MESD: variants seen among roughly 807,000 people sequenced by gnomAD.
The protein encoded by MESD is LRP chaperone MESD.
In MESD, 7 loss-of-function variants were observed where a neutral mutation model predicts 12.9. The ratio of observed to expected loss-of-function variants is 0.54; its 90% CI spans 0.31 to 1.02. The LOEUF is 1.02. Among genes scored for constraint, MESD ranks in the 50% least tolerant of loss-of-function variants. The pLI is 0.05. For missense variants in MESD, 342 were observed against 296.7 expected (o/e 1.15, Z -1.12); for synonymous variants, 126 against 115.6 (o/e 1.09, Z -0.58).
At chr15:80,987,438 G>A (rs1006317610) in intron 1 of MESD, among the ~76,000 whole-genome samples, 6 of 151,844 alleles carry the variant, frequency 4.0e-5, no homozygotes, top group African/African-American at 1.2e-4. Flanking sequence ...TTACAGATAC[G>A]TAAAACTAGG....
chr15:80,964,158 A>C (rs1423731965), intron 3 of MESD, among the ~76,000 whole-genome samples: 5 of 152,222 alleles, frequency 3.3e-5, no homozygotes, highest in Non-Finnish European at 5.9e-5. Context: ...ACGTGCAAAA[A>C]TCACAAGCAT....
chr15:80,985,972 T>C (rs890492067), intron 1 of MESD, among the ~76,000 whole-genome samples: 2 of 151,978 alleles, frequency 1.3e-5, no homozygotes, highest in African/African-American at 4.8e-5. Context: ...TCTTTGTTAA[T>C]GCAAATATAA....
At chr15:80,955,605 G>C (rs932123073) in intron 3 of MESD, among the ~76,000 whole-genome samples, 7 of 149,344 alleles carry the variant, frequency 4.7e-5, no homozygotes, top group African/African-American at 1.3e-4. Flanking sequence ...TTTGAGAAGT[G>C]TGTGTTTGTG....
chr15:80,975,217 A>T (rs56668699), downstream of MESD, among the ~76,000 whole-genome samples: 23 of 149,032 alleles, frequency 1.5e-4, no homozygotes, highest in East Asian at 4.6e-3. Flanking sequence ...CCAAAAAAAA[A>T]AAACAAAAAA....
downstream of MESD, chr15:80,946,649 A>G (rs1236204221): frequency 8.0e-6 from 3 of 373,404 alleles, no homozygotes; most frequent in African/African-American, 4.1e-5. Context: ...GAGCCCTGGC[A>G]TGGTACGCTC....
In MESD at chr15:80,979,036, T is replaced by A; in HGVS notation, c.*183A>T. 1.4e-6 allele frequency: 1 copy of A among 717,554 alleles called. No individual in the cohort carries two copies. The highest frequency in any genetic ancestry group is 2.3e-6 in the Non-Finnish European group (1 of 442,102). The allele number at this position is 717,554 out of a possible 1,614,324, so 44.4% of individuals were successfully genotyped here. ...AGTATTAATTAGAAAACATCTGTCTTCTTACTTGAAGCCTATTAAGCAGTA... is the reference window on the plus strand; with the variant it reads ...AGTATTAATTAGAAAACATCTGTCTACTTACTTGAAGCCTATTAAGCAGTA... On this transcript the variant is annotated 3_prime_UTR_variant, in exon 3 of 3. Transcript: ENST00000261758.
At chr15:80,981,916 C>T in intron 2 of MESD, 34 bp downstream of exon 2, 1 of 1,375,904 alleles carries the variant, frequency 7.3e-7, no homozygotes, top group Non-Finnish European at 1.0e-6. Flanking sequence ...CGAGCACAGC[C>T]TATGAGTCTC....
chr15:80,982,399 G>A (rs1009300140), intron 1 of MESD, among the ~76,000 whole-genome samples: 26 of 152,100 alleles, frequency 1.7e-4, no homozygotes, highest in African/African-American at 3.4e-4. Context: ...ATCACAGAGC[G>A]CCCCCATGTG....
At chr15:80,965,283 G>A (rs527242721) in intron 3 of MESD, among the ~76,000 whole-genome samples, 5 of 151,408 alleles carry the variant, frequency 3.3e-5, no homozygotes, top group South Asian at 2.1e-4. Flanking sequence ...TTAGAATGGC[G>A]ATTAAAAAGT....
At position 80,976,492 on chromosome 15, in the gene MESD, T is replaced by A. The variant is rs1038644053; in HGVS notation, c.*2727A>T. The A allele has an allele frequency of 6.6e-6, 1 of 152,494 alleles. No homozygotes were observed. Among genetic ancestry groups the A allele is most frequent in the African/African-American group, 2.4e-5 (1 of 41,436 alleles). The allele number at this position is 152,494 out of a possible 1,614,324, so 9.4% of individuals were successfully genotyped here. On this transcript the variant is annotated 3_prime_UTR_variant, in exon 3 of 3. Transcript: ENST00000261758. ...GGTGGGCCTCCTGGGTATCCCTCTC[T>A]CTACGTGAAACACTGTACGCAGCCT...
intron 3 of MESD, among the ~76,000 whole-genome samples, chr15:80,963,751 C>CAA (rs202141122): frequency 1.3e-5 from 2 of 152,010 alleles, no homozygotes; most frequent in African/African-American, 4.8e-5. Context: ...TCAATAGATG[C>CAA]AAAAAAGGCC....
intron 2 of MESD, 129 bp downstream of exon 2, chr15:80,981,821 C>A: frequency 1.4e-6 from 1 of 712,496 alleles, no homozygotes. Context: ...CGCCGCTGCA[C>A]TCCAGCCTAG....
At chr15:80,952,980 A>G in intron 3 of MESD, 1 of 456,060 alleles carries the variant, frequency 2.2e-6, no homozygotes, top group Non-Finnish European at 4.4e-6. Flanking sequence ...GCAGGGAGTG[A>G]TCATCGCCTG....
At chr15:80,975,012 A>G (rs141130334), downstream of MESD, among the ~76,000 whole-genome samples, 714 of 152,022 alleles carry the variant, frequency 4.7e-3, 23 homozygotes, top group Admixed American at 0.04. Flanking sequence ...AAAAAAAGAA[A>G]AAGAGAAAAA....
chr15:80,960,103 C>A (rs1902058871), intron 3 of MESD, among the ~76,000 whole-genome samples: 1 of 152,186 alleles, frequency 6.6e-6, no homozygotes, highest in Admixed American at 6.5e-5. Flanking sequence ...GTGGCTCACA[C>A]CTGTAATCCC....
At chr15:80,969,895 G>A (rs1265134009) in intron 3 of MESD, among the ~76,000 whole-genome samples, 2 of 152,186 alleles carry the variant, frequency 1.3e-5, no homozygotes, top group Non-Finnish European at 2.9e-5. Flanking sequence ...TCACTGCCTT[G>A]CAGCGTGACC....
intron 1 of MESD, among the ~76,000 whole-genome samples, chr15:80,985,860 G>T (rs1260523086): frequency 6.6e-6 from 1 of 151,854 alleles, no homozygotes; most frequent in Non-Finnish European, 1.5e-5. Context: ...TCACCATGTT[G>T]CCCAGGCTGG....
chr15:80,981,101 G>A (rs867252489), intron 2 of MESD, among the ~76,000 whole-genome samples: 64 of 151,698 alleles, frequency 4.2e-4, no homozygotes, highest in Non-Finnish European at 4.6e-4. Context: ...TGGGATTACA[G>A]AAGTGAGTCA....
intron 2 of MESD, among the ~76,000 whole-genome samples, chr15:80,981,216 T>C (rs1011323405): frequency 6.6e-6 from 1 of 151,508 alleles, no homozygotes; most frequent in Non-Finnish European, 1.5e-5. Flanking sequence ...GGCAGGCAGA[T>C]CACGAGGTCA....
Sources: allele counts gnomAD v4.1 joint callset (sites outside exome capture counted in the v4.1 genomes callset), GRCh38; gene constraint gnomAD v4.1.1; transcripts MANE v1.5; gene names NCBI Gene and HGNC (gene_info 2026-07-23, HGNC 2026-07-21).